The following DGKG variants were observed in gnomAD, a reference collection of about 807,000 sequenced individuals.
The protein encoded by DGKG is DAG kinase gamma.
DGKG carries 78 observed loss-of-function variants against 105.3 expected under a neutral mutation model. The ratio of observed to expected loss-of-function variants is 0.74; its 90% CI spans 0.62 to 0.89. The LOEUF (loss-of-function observed/expected upper bound fraction) is 0.89. Ranked by LOEUF, DGKG falls within the 40% of genes least tolerant of loss-of-function variation. The pLI is 0.00. For synonymous variants in DGKG, 346 were observed against 367.1 expected (o/e 0.94, Z 0.66); for missense variants, 958 against 1,020.1 (o/e 0.94, Z 0.83).
At chr3:186,327,390 CTT>C (rs36076414) in intron 1 of DGKG, among the ~76,000 whole-genome samples, 30 of 135,938 alleles carry the variant, frequency 2.2e-4, no homozygotes, top group Non-Finnish European at 2.2e-4. Flanking sequence ...TTTTCTTCTT[CTT>C]TTTTTTTTTT....
chr3:186,197,188 G>C (rs1718223014), intron 21 of DGKG, among the ~76,000 whole-genome samples: 1 of 152,068 alleles, frequency 6.6e-6, no homozygotes, highest in South Asian at 2.1e-4. Context: ...AGTAAATGCT[G>C]GGCCATGTCT....
chr3:186,310,710 C>T (rs1033538595), intron 2 of DGKG, among the ~76,000 whole-genome samples: 1 of 152,180 alleles, frequency 6.6e-6, no homozygotes, highest in African/African-American at 2.4e-5. Flanking sequence ...AAAGCCTTTA[C>T]CATAATACCA....
chr3:186,297,068 T>TCTCTCTCTCACA (rs1452573661), intron 5 of DGKG, among the ~76,000 whole-genome samples: 1 of 130,420 alleles, frequency 7.7e-6, no homozygotes, highest in Non-Finnish European at 1.6e-5. Flanking sequence ...TCTGTCTCTC[T>TCTCTCTCTCACA]CACACACACA....
chr3:186,202,431 G>A (rs1007250840), intron 21 of DGKG, among the ~76,000 whole-genome samples: 1 of 152,194 alleles, frequency 6.6e-6, no homozygotes. Flanking sequence ...AATATTCTCT[G>A]TTTAATAACC....
rs1000608076 is a variant in DGKG, at chr3:186,195,013, G to C, written c.1918-6634C>G. On this transcript the variant is annotated intron_variant, in intron 21 of 24. Coordinates refer to ENST00000265022, the MANE Select transcript of DGKG (RefSeq NM_001346.3). Reference sequence around the variant, plus strand: ...TCAGCTACTCTGGAGGCTGAGGCAGGAGAATCGCTTGAACCCGGGAGGCGG... The same window carrying C: ...TCAGCTACTCTGGAGGCTGAGGCAGCAGAATCGCTTGAACCCGGGAGGCGG... 5.9e-5 allele frequency among the ~76,000 whole-genome samples: 9 copies of C among 152,190 alleles called. No individual in the cohort carries two copies. In the East Asian group the frequency reaches 1.7e-3, roughly 29 times the overall value.
rs1033765418 is a variant in DGKG at position 186,250,424 on chromosome 3, G to T, written c.1761+1335C>A. ...GATGATGTGTGCAGCAACTCACCATGGCACACACTTACCCACATAACAGAC... is the reference window on the plus strand; with the variant it reads ...GATGATGTGTGCAGCAACTCACCATTGCACACACTTACCCACATAACAGAC... On this transcript the variant is annotated intron_variant, in intron 19 of 24. Transcript: ENST00000265022. Among the ~76,000 whole-genome samples the T allele has an allele frequency of 2.6e-5, 4 of 151,880 alleles. No homozygotes were observed. In the East Asian group the frequency reaches 7.7e-4, roughly 29 times the overall value.
intron 5 of DGKG, among the ~76,000 whole-genome samples, 197 bp from the exon 6 acceptor site, chr3:186,289,077 C>A (rs1723198402): frequency 6.6e-6 from 1 of 152,202 alleles, no homozygotes; most frequent in South Asian, 2.1e-4. Flanking sequence ...TGAAGGGATC[C>A]CATGCTGACC....
intron 22 of DGKG, among the ~76,000 whole-genome samples, chr3:186,180,359 TC>T (rs1431301082): frequency 6.6e-6 from 1 of 152,106 alleles, no homozygotes; most frequent in Non-Finnish European, 1.5e-5. Context: ...AAACAGCGTC[TC>T]CGTAGGCCTG....
chr3:186,221,527 G>T (rs1403994108), intron 20 of DGKG, among the ~76,000 whole-genome samples: 1 of 152,176 alleles, frequency 6.6e-6, no homozygotes, highest in Non-Finnish European at 1.5e-5. Context: ...GGGACAAAAA[G>T]AAATCCCTGC....
intron 22 of DGKG, among the ~76,000 whole-genome samples, chr3:186,170,221 G>A (rs775685002): frequency 4.6e-5 from 7 of 152,204 alleles, no homozygotes; most frequent in Non-Finnish European, 8.8e-5. Flanking sequence ...ATAGGAGCTA[G>A]GCATCGGTCT....
At chr3:186,299,274 C>T (rs987908208) in intron 3 of DGKG, among the ~76,000 whole-genome samples, 1 of 152,142 alleles carries the variant, frequency 6.6e-6, no homozygotes, top group Non-Finnish European at 1.5e-5. Context: ...CTTGATGTAC[C>T]CATCAAAATG....
intron 6 of DGKG, among the ~76,000 whole-genome samples, chr3:186,288,446 C>A (rs748193264): frequency 6.6e-6 from 1 of 152,202 alleles, no homozygotes; most frequent in Non-Finnish European, 1.5e-5. Context: ...CTTGATGGGA[C>A]CCCTTCCCTT....
intron 20 of DGKG, 96 bp downstream of exon 20, chr3:186,242,408 C>G (rs1225820136): frequency 1.9e-6 from 2 of 1,064,154 alleles, no homozygotes; most frequent in African/African-American, 3.2e-5. Flanking sequence ...TCCCCAGCGG[C>G]CCTGGCTGGG....
At chr3:186,232,621 T>C (rs557150771) in intron 20 of DGKG, among the ~76,000 whole-genome samples, 8 of 152,356 alleles carry the variant, frequency 5.3e-5, no homozygotes, top group African/African-American at 1.9e-4. Flanking sequence ...TCTCTTACTT[T>C]AACTTTTCTG....
chr3:186,193,881 C>T (rs370015248), intron 21 of DGKG, among the ~76,000 whole-genome samples: 93 of 152,374 alleles, frequency 6.1e-4, no homozygotes, highest in Middle Eastern at 3.4e-3. Flanking sequence ...ACCTGGCTAG[C>T]AGGCTGCCCT....
At chr3:186,209,912 T>G (rs1718948023) in intron 21 of DGKG, among the ~76,000 whole-genome samples, 1 of 152,154 alleles carries the variant, frequency 6.6e-6, no homozygotes, top group South Asian at 2.1e-4. Context: ...CTAATCCTCA[T>G]GAATAAATAC....
At chr3:186,192,222 GC>G (rs1717943371) in intron 21 of DGKG, among the ~76,000 whole-genome samples, 1 of 152,090 alleles carries the variant, frequency 6.6e-6, no homozygotes, top group East Asian at 1.9e-4. Context: ...ATGTTGGCCA[GC>G]CGGGTCTTGA....
At chr3:186,265,404 G>T in intron 13 of DGKG, 98 bp from the exon 14 acceptor site, 1 of 1,120,138 alleles carries the variant, frequency 8.9e-7, no homozygotes, top group Non-Finnish European at 1.3e-6. Flanking sequence ...TAAAGAAAGA[G>T]ATCAGAAAGC....
chr3:186,342,586 G>GTT (rs200104603), intron 1 of DGKG, among the ~76,000 whole-genome samples: 1 of 150,856 alleles, frequency 6.6e-6, no homozygotes. Context: ...TTTTATTTCT[G>GTT]TTTTTTTTCT....
Sources: allele counts gnomAD v4.1 joint callset (sites outside exome capture counted in the v4.1 genomes callset), GRCh38; gene constraint gnomAD v4.1.1; transcripts MANE v1.5; gene names NCBI Gene and HGNC (gene_info 2026-07-23, HGNC 2026-07-21).